The following SPECC1 variants were observed in gnomAD, a reference collection of about 807,000 sequenced individuals.
SPECC1 encodes the protein sperm antigen with calponin homology and coiled-coil domains 1.
A neutral mutation model predicts 104.1 loss-of-function variants in SPECC1; 62 were observed. That is an observed-to-expected ratio of 0.60 (90% CI 0.49 to 0.74). The LOEUF is 0.74. SPECC1 is among the 30% of genes least tolerant of loss of function. SPECC1 has a pLI of 0.00. For missense variants in SPECC1, 1,306 were observed against 1,310.5 expected, an observed-to-expected ratio of 1.00 and a Z score of 0.05; for synonymous variants, 513 against 501.6, an observed-to-expected ratio of 1.02 and a Z score of -0.30.
chr17:20,087,445 A>G (rs576993249), intron 1 of SPECC1, among the ~76,000 whole-genome samples: 6 of 152,214 alleles, frequency 3.9e-5, no homozygotes, highest in African/African-American at 1.4e-4. Flanking sequence ...TTTTTCAACC[A>G]TTTAGAGATA....
chr17:20,074,672 C>A (rs2046687438), intron 1 of SPECC1, among the ~76,000 whole-genome samples: 1 of 152,050 alleles, frequency 6.6e-6, no homozygotes, highest in South Asian at 2.1e-4. Context: ...TACAGCTCAG[C>A]TCCATGGACT....
At chr17:20,139,169 C>T (rs972029770) in intron 3 of SPECC1, among the ~76,000 whole-genome samples, 5 of 152,218 alleles carry the variant, frequency 3.3e-5, no homozygotes, top group Non-Finnish European at 7.3e-5. Context: ...AAGACCTGTT[C>T]TTGGGTACAT....
At chr17:20,137,320 T>C (rs1399094887) in intron 3 of SPECC1, among the ~76,000 whole-genome samples, 2 of 152,238 alleles carry the variant, frequency 1.3e-5, no homozygotes, top group African/African-American at 4.8e-5. Context: ...TGGAGGAGCA[T>C]CGTGTGTGAT....
chr17:20,048,220 G>A (rs536698444), intron 1 of SPECC1, among the ~76,000 whole-genome samples: 117 of 149,100 alleles, frequency 7.8e-4, no homozygotes, highest in African/African-American at 2.7e-3. Flanking sequence ...TGCAAGCTCC[G>A]CTTCCTGGGT....
At chr17:20,119,376 G>A (rs2048916976) in intron 3 of SPECC1, among the ~76,000 whole-genome samples, 3 of 152,216 alleles carry the variant, frequency 2.0e-5, no homozygotes, top group Admixed American at 2.0e-4. Context: ...GGGATTACAG[G>A]CTTGCGCCAC....
At chr17:20,247,769 T>TA (rs750995414) in intron 9 of SPECC1, among the ~76,000 whole-genome samples, 1 of 152,232 alleles carries the variant, frequency 6.6e-6, no homozygotes, top group Non-Finnish European at 1.5e-5. Flanking sequence ...AAGATACTGA[T>TA]ACAAATTTTT....
At position 20,315,981 on chromosome 17, in the gene SPECC1, A is replaced by G. The variant is rs1306251318; in HGVS notation, c.*1916A>G. 2.1e-5 allele frequency: 5 copies of G among 232,582 alleles called. No individual in the cohort carries two copies. The highest frequency in any genetic ancestry group is 4.4e-5 in the African/African-American group (2 of 45,324). 14.4% of individuals were successfully genotyped at this position (232,582 alleles called of 1,614,324 possible). A position where few individuals can be genotyped will look rare whatever the true frequency, so the allele number is the denominator to read the frequency against. On this transcript the variant is annotated 3_prime_UTR_variant, in exon 15 of 15. Coordinates refer to ENST00000395527, the MANE Select transcript of SPECC1 (RefSeq NM_001243439.2). ...GCGACTGAAGCACAGCTGCTTGGAG[A>G]ACCACTGAGGGGTGGACACCTTCCC...
chr17:20,234,236 A>G (rs760319736), intron 7 of SPECC1, among the ~76,000 whole-genome samples: 12 of 152,130 alleles, frequency 7.9e-5, no homozygotes, highest in Non-Finnish European at 1.8e-4. Context: ...CCAATCTAAC[A>G]GTTTAATCCC....
At chr17:20,047,072 A>G (rs1181272566) in intron 1 of SPECC1, among the ~76,000 whole-genome samples, 1 of 152,218 alleles carries the variant, frequency 6.6e-6, no homozygotes, top group African/African-American at 2.4e-5. Flanking sequence ...AGTTCCCATT[A>G]ATGAGCACAT....
intron 1 of SPECC1, among the ~76,000 whole-genome samples, chr17:20,062,849 G>A (rs765035652): frequency 3.3e-5 from 5 of 151,810 alleles, no homozygotes; most frequent in African/African-American, 4.8e-5. Flanking sequence ...CTACCATCTC[G>A]GCTAATTTTT....
At chr17:20,202,224 C>G (rs542238479) in intron 3 of SPECC1, among the ~76,000 whole-genome samples, 1 of 152,108 alleles carries the variant, frequency 6.6e-6, no homozygotes, top group Admixed American at 6.6e-5. Flanking sequence ...TGTTGCAGTG[C>G]GCTCAAGCAT....
At chr17:20,313,920 G>A in intron 14 of SPECC1, 56 bp from the exon 15 acceptor site, 1 of 1,537,056 alleles carries the variant, frequency 6.5e-7, no homozygotes, top group South Asian at 1.2e-5. Flanking sequence ...TCCTTGAGGG[G>A]AAGGGGTCTG....
intron 12 of SPECC1, among the ~76,000 whole-genome samples, chr17:20,265,457 T>C (rs2151614115): frequency 6.6e-6 from 1 of 152,308 alleles, no homozygotes; most frequent in African/African-American, 2.4e-5. Flanking sequence ...ATGGGGTTAT[T>C]TGGTTTTTGC....
At chr17:20,205,969 T>C in intron 4 of SPECC1, 57 bp downstream of exon 4, 1 of 1,538,762 alleles carries the variant, frequency 6.5e-7, no homozygotes, top group East Asian at 2.2e-5. Flanking sequence ...ATTTCTGCCC[T>C]TAACCTCTAA....
chr17:20,153,126 A>G (rs2032165704), intron 3 of SPECC1, among the ~76,000 whole-genome samples: 1 of 152,256 alleles, frequency 6.6e-6, no homozygotes, highest in African/African-American at 2.4e-5. Context: ...CTCAGTTCAC[A>G]GCAGATGAAT....
At chr17:20,167,804 G>T (rs1296915768) in intron 3 of SPECC1, among the ~76,000 whole-genome samples, 1 of 152,280 alleles carries the variant, frequency 6.6e-6, no homozygotes, top group South Asian at 2.1e-4. Context: ...GTTTCCCAAA[G>T]ATATTGGATA....
chr17:20,184,938 G>T (rs1410190087), intron 3 of SPECC1: 3 of 152,230 alleles, frequency 2.0e-5, no homozygotes, highest in Admixed American at 1.3e-4. Flanking sequence ...GAAGAAACAG[G>T]ATCAGCTGGC....
intron 13 of SPECC1, among the ~76,000 whole-genome samples, chr17:20,298,948 A>AGAGAGAGAGAGTGTGTGTGTGTGTGTGT: frequency 1.4e-4 from 7 of 49,054 alleles, no homozygotes; most frequent in Admixed American, 4.2e-4. Flanking sequence ...AGAGAGAGAG[A>AGAGAGAGAGAGTGTGTGTGTGTGTGTGT]GTGTGTGTGT....
At chr17:20,192,584 C>G (rs943781428) in intron 3 of SPECC1, among the ~76,000 whole-genome samples, 4 of 152,128 alleles carry the variant, frequency 2.6e-5, no homozygotes, top group Admixed American at 2.6e-4. Flanking sequence ...CTTTGACACC[C>G]TGTTTGTAAG....
Sources: gnomAD v4.1 joint callset for allele counts (sites outside exome capture counted in the v4.1 genomes callset) on GRCh38, gnomAD v4.1.1 for gene constraint, MANE v1.5 for transcripts, NCBI Gene and HGNC (gene_info 2026-07-23, HGNC 2026-07-21) for gene names.